The following POLG variants were observed in gnomAD, a reference collection of about 807,000 sequenced individuals.
POLG encodes DNA polymerase gamma, catalytic subunit, also known as DNA polymerase subunit gamma-1.
A neutral mutation model predicts 155.4 loss-of-function variants in POLG; 110 were observed. The ratio of observed to expected loss-of-function variants is 0.71; its 90% CI spans 0.61 to 0.83. POLG has a LOEUF of 0.83. Ranked by LOEUF, POLG falls within the 40% of genes least tolerant of loss-of-function variation. The pLI, the probability that POLG is intolerant of heterozygous loss-of-function variation, is 0.00. For missense variants in POLG, 1,685 were observed against 1,627.5 expected (o/e 1.04, Z -0.61); for synonymous variants, 701 against 631.5 (o/e 1.11, Z -1.65).
At chr15:89,325,937 G>C (rs780678260) in intron 9 of POLG, among the ~76,000 whole-genome samples, 3 of 152,180 alleles carry the variant, frequency 2.0e-5, no homozygotes, top group Non-Finnish European at 4.4e-5. Flanking sequence ...GGACACAAAA[G>C]CATACCCTGA....
At chr15:89,323,537 G>A in intron 12 of POLG, 26 bp from the exon 13 acceptor site, 1 of 1,448,088 alleles carries the variant, frequency 6.9e-7, no homozygotes. Context: ...ACCTATATCA[G>A]GCCCTGCTCC....
In POLG at chr15:89,319,270, G is replaced by A. The variant is rs2055358674; in HGVS notation, c.3062C>T (p.Ser1021Phe). Reference protein sequence around the residue: ...PVDRTEGGWISLQDLRKVQRE... With the variant: ...PVDRTEGGWIFLQDLRKVQRE... ...CTGGACCTTGCGCAGATCCTGCAGGGAAATCCAGCCACCCTCAGTCCTGTC... is the reference window on the plus strand; with the variant it reads ...CTGGACCTTGCGCAGATCCTGCAGGAAAATCCAGCCACCCTCAGTCCTGTC... The change falls in exon 19 of 23, where the codon TCC (serine) becomes TTC (phenylalanine). Residue 1021 changes from serine to phenylalanine, a missense_variant. By Grantham distance (155) the Ser-to-Phe change is radical (BLOSUM62 -2). Coordinates refer to ENST00000268124, the MANE Select transcript of POLG (RefSeq NM_002693.3). The A allele has an allele frequency of 6.2e-7, 1 of 1,614,178 alleles. No individual in the cohort carries two copies. Among genetic ancestry groups the A allele is most frequent in the Non-Finnish European group, 8.5e-7 (1 of 1,180,038 alleles).
chr15:89,325,207 AGAGT>A (rs1160459800), intron 10 of POLG, among the ~76,000 whole-genome samples: 868 of 67,314 alleles, frequency 0.013, 177 homozygotes, highest in South Asian at 0.072. Flanking sequence ...AGTGAGTGAG[AGAGT>A]GAGTGAGTGA....
At chr15:89,325,057 A>AGTGAGTGAGTGAGTGAGAGAGT in intron 10 of POLG, among the ~76,000 whole-genome samples, 1 of 87,690 alleles carries the variant, frequency 1.1e-5, no homozygotes, top group African/African-American at 7.9e-5. Flanking sequence ...AGTGAGTGAG[A>AGTGAGTGAGTGAGTGAGAGAGT]GAGTGAGTGA....
chr15:89,329,319 TC>T (rs2055565378), intron 3 of POLG, among the ~76,000 whole-genome samples: 1 of 152,152 alleles, frequency 6.6e-6, no homozygotes, highest in Admixed American at 6.5e-5. Context: ...CCTTCCCAAA[TC>T]CTAGCCACCC....
chr15:89,333,212 C>A lies in POLG; in HGVS notation c.543G>T (p.Glu181Asp). The A allele has an allele frequency of 6.3e-7, 1 of 1,577,766 alleles. No individual in the cohort carries two copies. Among genetic ancestry groups the A allele is most frequent in the Non-Finnish European group, 8.6e-7 (1 of 1,158,558 alleles). ...WAEGWTRYGP[E>D]GEAVPVAIPE... The stretch of plus-strand genomic sequence containing the variant: ...GGATGGCCACGGGTACGGCCTCCCC[C>A]TCGGGGCCGTACCGGGTCCAGCCCT... Residue 181 changes from glutamate (E) to aspartate (D), a missense_variant, in exon 2 of 23, where the codon GAG becomes GAT. Glu to Asp is a conservative substitution (Grantham distance 45, BLOSUM62 2). Around this residue, in one of 3 missense-constraint regions of POLG, gnomAD observed 1,210 missense variants for 1,167.1 expected, o/e 1.04. Transcript: ENST00000268124.
intron 16 of POLG, 61 bp from the exon 17 acceptor site, chr15:89,321,321 T>A (rs2055392939): frequency 6.3e-7 from 1 of 1,591,056 alleles, no homozygotes; most frequent in South Asian, 1.1e-5. Flanking sequence ...GAGCCAGAGT[T>A]GACTGAGAAA....
Position 89,326,645 on chromosome 15 carries a change from G to T in POLG, c.1679C>A (p.Pro560His), listed in dbSNP as rs2055522032. The T allele has an allele frequency of 6.2e-7, 1 of 1,614,052 alleles. No homozygotes were observed. The highest frequency in any genetic ancestry group is 2.2e-5 in the East Asian group (1 of 44,878). The change falls in exon 9 of 23, where the codon CCC (proline) becomes CAC (histidine). Residue 560 changes from proline (P) to histidine (H), a missense_variant. Pro to His is a moderately conservative substitution (Grantham distance 77). Transcript: ENST00000268124. The part of the protein sequence containing the change: ...QKLKGTTELL[P>H]KRPQHLPGHP... ...TCCAGGAAGGTGCTGGGGCCGCTTG[G>T]GCAGGAGCTCTGTGGTCCCCTTCAG...
In POLG at chr15:89,325,235, A is replaced by AGAGT. The variant is rs1333143940; in HGVS notation, c.1949+211_1949+214dup. On this transcript the variant is annotated intron_variant, in intron 10 of 22. Coordinates refer to ENST00000268124, the MANE Select transcript of POLG (RefSeq NM_002693.3). ...GTGAGTGAGTGAGAGAGTGAGTGAG[A>AGAGT]GAGTGAGTGAGTGAGAGAGAGAGTG... Among the ~76,000 whole-genome samples, 18 of 76,492 alleles carry AGAGT rather than the reference A, an allele frequency of 2.4e-4. 6 individuals are homozygous for AGAGT. Among genetic ancestry groups the AGAGT allele is most frequent in the African/African-American group, 5.1e-4 (4 of 7,780 alleles). The allele number at this position is 76,492 out of a possible 152,430, so 50.2% of individuals were successfully genotyped here. A position where few individuals can be genotyped will look rare whatever the true frequency, so the allele number is the denominator to read the frequency against.
In POLG at chr15:89,325,676, T is replaced by G. The variant is rs1379482879; in HGVS notation, c.1723A>C (p.Lys575Gln). 2 of 1,606,220 alleles carry G rather than the reference T, an allele frequency of 1.2e-6. No homozygotes were observed. The highest frequency in any genetic ancestry group is 1.7e-6 in the Non-Finnish European group (2 of 1,178,724). The change falls in exon 10 of 23, where the codon AAG becomes CAG. Residue 575 changes from lysine to glutamine, a missense_variant. By Grantham distance (53) the Lys-to-Gln change is moderately conservative. Transcript: ENST00000268124. The part of the protein sequence containing the change: ...HLPGHPGWYR[K>Q]LCPRLDDPAW... ...GGGTCGTCTAGCCGGGGGCAGAGCT[T>G]CCGGTACCATCTACGTCCCAGCAGG...
rs886051522 is a variant in POLG at position 89,318,925 on chromosome 15, A to T, written c.3273+6T>A. 12 of 1,614,072 alleles carry T rather than the reference A, an allele frequency of 7.4e-6. No homozygotes were observed. Among genetic ancestry groups the T allele is most frequent in the Non-Finnish European group, 1.0e-5 (12 of 1,179,984 alleles). On this transcript the variant is annotated splice_donor_region_variant and intron_variant, in intron 20 of 22. Coordinates refer to ENST00000268124, the MANE Select transcript of POLG (RefSeq NM_002693.3). ...CTCTGCCCATGCTCCAAAGGTAGCA[A>T]GATACCTCTTCCTGGACAGCCGAGG...
At chr15:89,331,518 C>G (rs1175319336) in intron 2 of POLG, among the ~76,000 whole-genome samples, 2 of 152,152 alleles carry the variant, frequency 1.3e-5, no homozygotes, top group Non-Finnish European at 2.9e-5. Flanking sequence ...AGTAGGGATC[C>G]ATGCCATTAA....
intron 2 of POLG, among the ~76,000 whole-genome samples, chr15:89,332,783 T>C (rs532616754): frequency 6.6e-6 from 1 of 152,204 alleles, no homozygotes; most frequent in African/African-American, 2.4e-5. Flanking sequence ...ATGACGCTAT[T>C]AGGAGAGGGG....
At chr15:89,334,069 A>G in intron 1 of POLG, 156 bp from the exon 2 acceptor site, 1 of 432,708 alleles carries the variant, frequency 2.3e-6, no homozygotes, top group Non-Finnish European at 4.2e-6. Flanking sequence ...AAACGTCAAT[A>G]CCCCTCCTGG....
chr15:89,331,547 T>A (rs778253695), intron 2 of POLG, among the ~76,000 whole-genome samples: 7 of 152,232 alleles, frequency 4.6e-5, no homozygotes, highest in Middle Eastern at 3.2e-3. Flanking sequence ...TTACTGTGAA[T>A]CTTAGAAAAA....
intron 2 of POLG, among the ~76,000 whole-genome samples, chr15:89,331,944 AAGAG>A (rs957691275): frequency 6.6e-6 from 1 of 152,228 alleles, no homozygotes; most frequent in African/African-American, 2.4e-5. Context: ...GAGAGGTAAA[AAGAG>A]AGAAAGAAGG....
rs948431638 is a variant in POLG at position 89,324,194 on chromosome 15, G to A, written c.1983C>T (p.Leu661=). The change falls in exon 11 of 23, where the codon CTC becomes CTT. Residue 661 remains leucine, a synonymous_variant. Coordinates refer to ENST00000268124, the MANE Select transcript of POLG (RefSeq NM_002693.3). ...AIESLYRKHC[L]EQGKQQLMPQ... ...GCATCAGCTGCTGCTTCCCCTGTTC[G>A]AGACAGTGCTTCCTGTACAGGGACT... 5 of 1,613,430 alleles carry A rather than the reference G, an allele frequency of 3.1e-6. No individual in the cohort carries two copies. Among genetic ancestry groups the A allele is most frequent in the East Asian group, 2.2e-5 (1 of 44,892 alleles).
rs1474085308 is a variant in POLG at position 89,325,231 on chromosome 15, TGA to T, written c.1949+217_1949+218del. 5.7e-3 allele frequency among the ~76,000 whole-genome samples: 247 copies of T among 43,268 alleles called. 57 individuals are homozygous for T. Among genetic ancestry groups the T allele is most frequent in the African/African-American group, 0.023 (216 of 9,268 alleles). 28.4% of individuals were successfully genotyped at this position (43,268 alleles called of 152,430 possible). ...GAGAGTGAGTGAGTGAGAGAGTGAGTGAGAGAGTGAGTGAGTGAGAGAGAGAG... is the reference window on the plus strand; with the variant it reads ...GAGAGTGAGTGAGTGAGAGAGTGAGTGAGAGTGAGTGAGTGAGAGAGAGAG... On this transcript the variant is annotated intron_variant, in intron 10 of 22. Coordinates refer to ENST00000268124, the MANE Select transcript of POLG (RefSeq NM_002693.3).
Position 89,330,175 on chromosome 15 carries a change from C to T in POLG, c.761G>A (p.Ser254Asn), listed in dbSNP as rs2055575699. ...LIPLEVPTGA[S>N]SPTQRDWQEQ... Reference sequence around the variant, plus strand: ...CTGCCAGTCTCTCTGGGTGGGGCTGCTGGCACCAGTAGGGACCTCCAGGGG... The same window carrying T: ...CTGCCAGTCTCTCTGGGTGGGGCTGTTGGCACCAGTAGGGACCTCCAGGGG... The change falls in exon 3 of 23, where the codon AGC (serine) becomes AAC (asparagine). Residue 254 changes from serine to asparagine, a missense_variant. Coordinates refer to ENST00000268124, the MANE Select transcript of POLG (RefSeq NM_002693.3). 1 of 1,613,926 alleles carries T rather than the reference C, an allele frequency of 6.2e-7. No individual in the cohort carries two copies. The highest frequency in any genetic ancestry group is 1.3e-5 in the African/African-American group (1 of 75,074).
Sources: gnomAD v4.1 joint callset for allele counts (sites outside exome capture counted in the v4.1 genomes callset) on GRCh38, gnomAD v4.1.1 for gene constraint, gnomAD v4.1.1 regional missense constraint, MANE v1.5 for transcripts, NCBI Gene and HGNC (gene_info 2026-07-23, HGNC 2026-07-21) for gene names.